RPF2: variants seen among roughly 807,000 people sequenced by gnomAD.
RPF2 encodes ribosome production factor 2 homolog.
RPF2 carries 21 observed loss-of-function variants against 38.9 expected under a neutral mutation model. The observed-to-expected ratio is 0.54, with a 90% CI of 0.38 to 0.78. The LOEUF (loss-of-function observed/expected upper bound fraction) is 0.78, where lower values mean the gene tolerates loss of function less well. Ranked by LOEUF, RPF2 falls within the 30% of genes least tolerant of loss-of-function variation. RPF2 has a pLI of 0.00. For missense variants in RPF2, 314 were observed against 358.1 expected (o/e 0.88, Z 0.99); for synonymous variants, 121 against 126.2 (o/e 0.96, Z 0.28).
chr6:110,982,207 C>T, intron 1 of RPF2, 78 bp downstream of exon 1: 2 of 1,498,166 alleles, frequency 1.3e-6, no homozygotes, highest in Non-Finnish European at 1.9e-6. Context: ...GTCTCGGCCT[C>T]TCACTCTTCC....
At chr6:110,990,576 C>T (rs753007115) in intron 3 of RPF2, among the ~76,000 whole-genome samples, 14,056 of 127,182 alleles carry the variant, frequency 0.11, 1,026 homozygotes, top group African/African-American at 0.17. Flanking sequence ...CCCCCCCCAC[C>T]TTTTCTTTTG....
rs1189279358 is a variant in RPF2 at position 111,017,632 on chromosome 6, C to T, written c.596+1776C>T. 5.6e-4 allele frequency among the ~76,000 whole-genome samples: 75 copies of T among 133,650 alleles called. No homozygotes were observed. The East Asian group carries it at 0.01, about 19-fold the overall frequency. 87.7% of individuals were successfully genotyped at this position (133,650 alleles called of 152,430 possible). On this transcript the variant is annotated intron_variant, in intron 8 of 9. Coordinates refer to ENST00000441448, the MANE Select transcript of RPF2 (RefSeq NM_032194.3). ...CCCAGACGGGGCGGCAGGGCAGAGG[C>T]GCTCCCCACATCTCAGACGATGGGC...
At chr6:111,010,562 T>A (rs1344429446) in intron 7 of RPF2, among the ~76,000 whole-genome samples, 5 of 152,242 alleles carry the variant, frequency 3.3e-5, no homozygotes, top group Non-Finnish European at 7.3e-5. Context: ...TTCACCTTAG[T>A]GTTGACAGCC....
chr6:111,020,460 C>T (rs775422032), intron 8 of RPF2, among the ~76,000 whole-genome samples: 4 of 152,170 alleles, frequency 2.6e-5, no homozygotes, highest in Non-Finnish European at 4.4e-5. Context: ...CTGTGTTGAA[C>T]GGTTTCGCAG....
rs150971389 is a variant in RPF2, at chr6:111,028,112, A to T, written c.*2530A>T. ...TTCTGGAATATTAATACTATTACCA[A>T]GCTATTATTTCATGGAATTTGGGTT... On this transcript the variant is annotated 3_prime_UTR_variant, in exon 10 of 10. Coordinates refer to ENST00000441448, the MANE Select transcript of RPF2 (RefSeq NM_032194.3). 3.0e-4 allele frequency: 45 copies of T among 152,040 alleles called. No individual in the cohort carries two copies. The East Asian group carries it at 6.9e-3, about 23-fold the overall frequency. 9.4% of individuals were successfully genotyped at this position (152,040 alleles called of 1,614,324 possible).
Position 110,982,467 on chromosome 6 carries a change from C to T in RPF2, c.23+338C>T, listed in dbSNP as rs531467228. The T allele has an allele frequency of 8.2e-5, 29 of 353,878 alleles. No individual in the cohort carries two copies. In the Admixed American group the frequency reaches 1.3e-3, roughly 16 times the overall value. The allele number at this position is 353,878 out of a possible 1,614,324, so 21.9% of individuals were successfully genotyped here. A position where few individuals can be genotyped will look rare whatever the true frequency, so the allele number is the denominator to read the frequency against. ...CTCGGAATCCGACAGATCTGAGTGA[C>T]AGTCTGGCGCGTCCACTTAAAGCTT... On this transcript the variant is annotated intron_variant, in intron 1 of 9. Transcript: ENST00000441448.
intron 4 of RPF2, among the ~76,000 whole-genome samples, chr6:110,995,267 G>A (rs1216221631): frequency 1.3e-5 from 2 of 152,178 alleles, no homozygotes; most frequent in Non-Finnish European, 2.9e-5. Flanking sequence ...TACAAGGTGT[G>A]TTCACATATG....
In RPF2 at chr6:111,025,503, T is replaced by G. The variant is rs754826893; in HGVS notation, c.842T>G (p.Met281Arg). ...QDLSKLQTRK[M>R]KGLKKRPAER... ...CTAAGCAAACTACAAACCAGGAAAA[T>G]GAAGGGGTTGAAGAAGCGACCTGCA... The change falls in exon 10 of 10, where the codon ATG (methionine) becomes AGG (arginine). Residue 281 changes from methionine to arginine, a missense_variant. Met to Arg is a moderately conservative substitution (Grantham distance 91). Coordinates refer to ENST00000441448, the MANE Select transcript of RPF2 (RefSeq NM_032194.3). The G allele has an allele frequency of 6.2e-7, 1 of 1,613,254 alleles. No individual in the cohort carries two copies. The highest frequency in any genetic ancestry group is 2.2e-5 in the East Asian group (1 of 44,844).
rs576538376 is a variant in RPF2, at chr6:111,015,950, C to T, written c.596+94C>T. The T allele has an allele frequency of 2.1e-5, 19 of 914,202 alleles. No individual in the cohort carries two copies. The African/African-American group carries it at 3.1e-4, about 15-fold the overall frequency. 56.6% of individuals were successfully genotyped at this position (914,202 alleles called of 1,614,324 possible). A position where few individuals can be genotyped will look rare whatever the true frequency, so the allele number is the denominator to read the frequency against. On this transcript the variant is annotated intron_variant, in intron 8 of 9. Coordinates refer to ENST00000441448, the MANE Select transcript of RPF2 (RefSeq NM_032194.3). ...TAGAGCCCAAACTTAGAATTGGTAT[C>T]TGGCCAAAAGGTTTCTTGGAGAGTT... is the stretch of plus-strand genomic sequence containing the variant.
chr6:110,998,533 G>A (rs1771758486), intron 5 of RPF2, among the ~76,000 whole-genome samples: 1 of 152,106 alleles, frequency 6.6e-6, no homozygotes, highest in Non-Finnish European at 1.5e-5. Flanking sequence ...TTTATTCAAT[G>A]TCACAAGGTG....
intron 9 of RPF2, among the ~76,000 whole-genome samples, chr6:111,025,023 C>G (rs546905720): frequency 3.9e-5 from 6 of 152,298 alleles, no homozygotes; most frequent in Non-Finnish European, 7.3e-5. Context: ...GAAATGTAAT[C>G]TCTAAAATGC....
At chr6:110,983,763 C>T (rs1269038402) in intron 1 of RPF2, among the ~76,000 whole-genome samples, 2 of 151,402 alleles carry the variant, frequency 1.3e-5, no homozygotes, top group African/African-American at 2.4e-5. Flanking sequence ...TGGAGGCTCA[C>T]GCCTGTAATC....
At chr6:110,982,509 TA>T in intron 1 of RPF2, 7 of 251,466 alleles carry the variant, frequency 2.8e-5, no homozygotes, top group South Asian at 1.3e-4. Context: ...TTTGGGTCAT[TA>T]AATATCTCTA....
chr6:111,006,140 A>G (rs9374241), intron 6 of RPF2, among the ~76,000 whole-genome samples: 37,442 of 151,702 alleles, frequency 0.25, 5,470 homozygotes, highest in African/African-American at 0.42. Context: ...CGTGTCTCCC[A>G]GGCTGGTCTC....
chr6:111,019,879 G>GA (rs1471263957), intron 8 of RPF2, among the ~76,000 whole-genome samples: 2 of 151,274 alleles, frequency 1.3e-5, no homozygotes, highest in East Asian at 3.9e-4. Flanking sequence ...TTCAAACTCT[G>GA]AAAAAAACCA....
At chr6:110,992,381 T>C (rs1467090878) in intron 4 of RPF2, among the ~76,000 whole-genome samples, 1 of 152,120 alleles carries the variant, frequency 6.6e-6, no homozygotes, top group East Asian at 1.9e-4. Context: ...AAGTTTGTTA[T>C]AGATCTATTT....
chr6:111,006,232 A>G (rs934667139), intron 6 of RPF2, among the ~76,000 whole-genome samples: 3 of 149,650 alleles, frequency 2.0e-5, no homozygotes, highest in Admixed American at 6.7e-5. Flanking sequence ...CACCTAGCCT[A>G]TAGCCTTCAT....
chr6:110,995,505 C>T (rs890978499), intron 4 of RPF2, among the ~76,000 whole-genome samples: 3 of 151,988 alleles, frequency 2.0e-5, no homozygotes, highest in Admixed American at 2.0e-4. Context: ...AAACTAGGGG[C>T]CCATACCTTG....
At chr6:111,024,030 T>C (rs1772279562) in intron 8 of RPF2, among the ~76,000 whole-genome samples, 153 bp from the exon 9 acceptor site, 1 of 152,158 alleles carries the variant, frequency 6.6e-6, no homozygotes, top group Non-Finnish European at 1.5e-5. Flanking sequence ...CCAAAGGATA[T>C]ACTTGGCTTG....
Sources: gnomAD v4.1 joint callset for allele counts (sites outside exome capture counted in the v4.1 genomes callset) on GRCh38, gnomAD v4.1.1 for gene constraint, MANE v1.5 for transcripts, NCBI Gene and HGNC (gene_info 2026-07-23, HGNC 2026-07-21) for gene names.